The following GLG1 variants were observed in gnomAD, a reference collection of about 807,000 sequenced individuals.
The protein encoded by GLG1 is Golgi apparatus protein 1.
A neutral mutation model predicts 160.5 loss-of-function variants in GLG1; 38 were observed. The ratio of observed to expected loss-of-function variants is 0.24; its 90% CI spans 0.18 to 0.31. GLG1 has a LOEUF of 0.31. Among genes scored for constraint, GLG1 ranks in the 10% least tolerant of loss-of-function variants. The pLI, the probability that GLG1 is intolerant of heterozygous loss-of-function variation, is 1.00. For synonymous variants in GLG1, 644 were observed against 543.4 expected, an observed-to-expected ratio of 1.19 and a Z score of -2.57; for missense variants, 1,373 against 1,505.2, an observed-to-expected ratio of 0.91 and a Z score of 1.45.
intron 3 of GLG1, among the ~76,000 whole-genome samples, chr16:74,507,926 T>G (rs1300332555): frequency 6.6e-6 from 1 of 152,154 alleles, no homozygotes; most frequent in Non-Finnish European, 1.5e-5. Flanking sequence ...TGTAGAATAT[T>G]AAAGCTAGGA....
Position 74,463,470 on chromosome 16 carries a change from GACAGAACCTC to G in GLG1, c.2668-1_2676del. On this transcript the variant is annotated splice_acceptor_variant and coding_sequence_variant, in exon 20 of 26. Transcript: ENST00000422840. LOFTEE classifies it high-confidence loss of function. ...AACATGGTTTTAGAATCTGCTTCCG[GACAGAACCTC>G]TGCAAAGAAACAGTTTGATAAAAAC... is the stretch of plus-strand genomic sequence containing the variant. The G allele has an allele frequency of 1.2e-6, 2 of 1,613,850 alleles. No homozygotes were observed. Among genetic ancestry groups the G allele is most frequent in the Non-Finnish European group, 1.7e-6 (2 of 1,179,812 alleles).
At chr16:74,594,959 T>G (rs9929669) in intron 1 of GLG1, among the ~76,000 whole-genome samples, 1,665 of 149,176 alleles carry the variant, frequency 0.011, 29 homozygotes, top group African/African-American at 0.039. Flanking sequence ...GAGGCAGAGG[T>G]GGGCAGATCA....
intron 1 of GLG1, among the ~76,000 whole-genome samples, chr16:74,572,083 C>G (rs549907451): frequency 6.6e-6 from 1 of 152,168 alleles, no homozygotes; most frequent in African/African-American, 2.4e-5. Flanking sequence ...TGGGGCTAGT[C>G]ACTGGAAAAA....
At chr16:74,534,332 G>GT (rs2017627935) in intron 1 of GLG1, among the ~76,000 whole-genome samples, 1 of 151,952 alleles carries the variant, frequency 6.6e-6, no homozygotes, top group Non-Finnish European at 1.5e-5. Context: ...TTCTTAGACA[G>GT]TTTTCTACAC....
At chr16:74,465,548 G>T in intron 19 of GLG1, 128 bp downstream of exon 19, 1 of 885,562 alleles carries the variant, frequency 1.1e-6, no homozygotes, top group Non-Finnish European at 1.8e-6. Context: ...CTCCCAGGGG[G>T]TGCTGCTGCT....
chr16:74,456,454 C>T, intron 25 of GLG1, 195 bp downstream of exon 25: 1 of 550,168 alleles, frequency 1.8e-6, no homozygotes, highest in South Asian at 2.2e-5. Context: ...GCCACCGCGC[C>T]CGGCCCTGAC....
intron 1 of GLG1, among the ~76,000 whole-genome samples, chr16:74,573,648 T>C (rs966745589): frequency 8.7e-4 from 127 of 145,330 alleles, no homozygotes; most frequent in African/African-American, 3.2e-3. Flanking sequence ...CTCGACCTCC[T>C]GGGCTCAGCT....
In GLG1 at chr16:74,516,305, G is replaced by A. The variant is rs2016976317; in HGVS notation, c.472-7380C>T. 2.0e-5 allele frequency among the ~76,000 whole-genome samples: 3 copies of A among 151,860 alleles called. No individual in the cohort carries two copies. The South Asian group carries it at 6.2e-4, about 31-fold the overall frequency. ...TCCAAAACTGACCACATAGTTGGAA[G>A]TAAAGCACTCCTCAGCAAATGTAAA... On this transcript the variant is annotated intron_variant, in intron 2 of 25. Coordinates refer to ENST00000422840, the MANE Select transcript of GLG1 (RefSeq NM_001145667.2).
At chr16:74,469,085 G>A (rs2015104862) in intron 16 of GLG1, 22 bp from the exon 17 acceptor site, 3 of 1,531,560 alleles carry the variant, frequency 2.0e-6, no homozygotes, top group African/African-American at 1.4e-5. Context: ...AGAAGCTTGA[G>A]GCTGGCTGGG....
intron 1 of GLG1, among the ~76,000 whole-genome samples, chr16:74,557,009 C>T (rs2018371904): frequency 6.6e-6 from 1 of 151,912 alleles, no homozygotes; most frequent in South Asian, 2.1e-4. Flanking sequence ...TATAATTTGG[C>T]AGGAGGAAGA....
intron 6 of GLG1, among the ~76,000 whole-genome samples, chr16:74,494,448 C>T (rs1597264827): frequency 6.8e-6 from 1 of 146,030 alleles, no homozygotes; most frequent in African/African-American, 2.5e-5. Context: ...ACTCTGTCAC[C>T]CAGGCTGGAG....
Position 74,485,562 on chromosome 16 carries a change from A to G in GLG1, c.1571+234T>C, listed in dbSNP as rs1282983763. ...TATATAGGTCCATATATGCTCAGTC[A>G]TTGTCCGTAAACACCATCACAATAT... On this transcript the variant is annotated intron_variant, in intron 9 of 25. Transcript: ENST00000422840. 2.0e-5 allele frequency among the ~76,000 whole-genome samples: 3 copies of G among 152,214 alleles called. No individual in the cohort carries two copies. The East Asian group carries it at 5.8e-4, about 29-fold the overall frequency.
chr16:74,497,130 A>C (rs907742509), intron 4 of GLG1, among the ~76,000 whole-genome samples: 11 of 151,746 alleles, frequency 7.2e-5, no homozygotes, highest in Non-Finnish European at 1.5e-4. Context: ...AATACTAAAA[A>C]TACAAAAAAT....
intron 4 of GLG1, among the ~76,000 whole-genome samples, chr16:74,498,868 CAAAAAAAAA>C (rs57372225): frequency 6.6e-5 from 5 of 75,828 alleles, no homozygotes; most frequent in South Asian, 6.6e-4. Flanking sequence ...CCGTCTCAGG[CAAAAAAAAA>C]AAAAAAAAAA....
intron 1 of GLG1, among the ~76,000 whole-genome samples, chr16:74,580,271 C>G (rs932867675): frequency 2.6e-5 from 4 of 151,936 alleles, no homozygotes; most frequent in Non-Finnish European, 5.9e-5. Flanking sequence ...ATTGCTTGAG[C>G]CCAGGAGTTT....
chr16:74,533,870 T>C (rs1218782172), intron 1 of GLG1, among the ~76,000 whole-genome samples: 3 of 152,184 alleles, frequency 2.0e-5, no homozygotes, highest in Non-Finnish European at 2.9e-5. Context: ...TTAAATATTA[T>C]CAATTTAGGT....
intron 12 of GLG1, among the ~76,000 whole-genome samples, chr16:74,476,059 G>A (rs947570992): frequency 1.3e-5 from 2 of 152,066 alleles, no homozygotes; most frequent in Admixed American, 6.6e-5. Context: ...GCAGGTGCCT[G>A]TAATCCCAGT....
At chr16:74,591,148 C>T (rs536365477) in intron 1 of GLG1, among the ~76,000 whole-genome samples, 10 of 151,640 alleles carry the variant, frequency 6.6e-5, no homozygotes, top group Non-Finnish European at 1.5e-4. Flanking sequence ...CTAGCCAACA[C>T]GGTGAAACCC....
At position 74,462,470 on chromosome 16, in the gene GLG1, G is replaced by A. The variant is rs370479207; in HGVS notation, c.2934+18C>T. ...GGCTCCATAAATACACCTTTGTGGA[G>A]AGCCCAGGCCAGTTTACCTGGTCAG... On this transcript the variant is annotated intron_variant, in intron 21 of 25. Transcript: ENST00000422840. 4.9e-5 allele frequency: 78 copies of A among 1,606,494 alleles called. No individual in the cohort carries two copies. Among genetic ancestry groups the A allele is most frequent in the Non-Finnish European group, 1.0e-5 (12 of 1,173,764 alleles).
Sources: gnomAD v4.1 joint callset for allele counts (sites outside exome capture counted in the v4.1 genomes callset) on GRCh38, gnomAD v4.1.1 for gene constraint, MANE v1.5 for transcripts, NCBI Gene and HGNC (gene_info 2026-07-23, HGNC 2026-07-21) for gene names.